Variants in EXOSC2 observed in about 807,000 individuals in gnomAD.
EXOSC2 encodes the protein exosome component 2.
Under a neutral mutation model 37.6 loss-of-function variants are expected in EXOSC2, and 29 were observed. The observed-to-expected ratio is 0.77, with a 90% confidence interval of 0.57 to 1.05. The LOEUF is 1.05. EXOSC2 is among the 50% of genes least tolerant of loss of function. The probability of loss-of-function intolerance (pLI) is 0.00; values close to 1 mark genes in which losing one functional copy is unlikely to be tolerated. For synonymous variants in EXOSC2, 119 were observed against 131.1 expected (o/e 0.91, Z 0.63); for missense variants, 346 against 365.6 (o/e 0.95, Z 0.44).
In EXOSC2 at chr9:130,703,108, C is replaced by T. The variant is rs771988501; in HGVS notation, c.728C>T (p.Ser243Leu). The T allele has an allele frequency of 1.1e-5, 17 of 1,613,960 alleles. No homozygotes were observed. The South Asian group carries it at 1.1e-4, about 10-fold the overall frequency. Residue 243 changes from serine (S) to leucine (L), a missense_variant, in exon 8 of 9, where the codon TCG becomes TTG. By Grantham distance (145) the Ser-to-Leu change is moderately radical. Coordinates refer to ENST00000372358, the MANE Select transcript of EXOSC2 (RefSeq NM_014285.7). Reference sequence around the variant, plus strand: ...TCCCGGCTTCGGAACTGCATCATCTCGCTGGTAACTCAGAGGATGATGCTG... The same window carrying T: ...TCCCGGCTTCGGAACTGCATCATCTTGCTGGTAACTCAGAGGATGATGCTG... ...VISRLRNCII[S>L]LVTQRMMLYD...
chr9:130,694,259 T>C lies in EXOSC2; in HGVS notation c.122+346T>C, dbSNP rs991498888. On this transcript the variant is annotated intron_variant, in intron 1 of 8. Transcript: ENST00000372358. The surrounding 1 kb of genome is among the most constrained non-coding windows in gnomAD (Gnocchi z 4.0). ...GGCTCTTTTCCAGTTTTCAGCTCTCTGAGGGGACGGTGGGCGTTCTTGGCT... is the reference window on the plus strand; with the variant it reads ...GGCTCTTTTCCAGTTTTCAGCTCTCCGAGGGGACGGTGGGCGTTCTTGGCT... Among the ~76,000 whole-genome samples, 1 of 152,194 alleles carries C rather than the reference T, an allele frequency of 6.6e-6. No individual in the cohort carries two copies. The highest frequency in any genetic ancestry group is 2.4e-5 in the African/African-American group (1 of 41,462).
chr9:130,702,011 C>T (rs1223329103), intron 6 of EXOSC2, 123 bp from the exon 7 acceptor site: 93 of 1,460,770 alleles, frequency 6.4e-5, no homozygotes, highest in Non-Finnish European at 7.8e-5. Context: ...TGCATGTAGG[C>T]GACAGCAATT....
intron 2 of EXOSC2, among the ~76,000 whole-genome samples, chr9:130,696,142 G>T (rs1233753482): frequency 6.6e-6 from 1 of 152,166 alleles, no homozygotes; most frequent in Non-Finnish European, 1.5e-5. Flanking sequence ...GGGATTACAG[G>T]CGTGAGCCAC....
intron 7 of EXOSC2, 81 bp downstream of exon 7, chr9:130,702,391 T>C: frequency 8.0e-7 from 1 of 1,243,490 alleles, no homozygotes; most frequent in Non-Finnish European, 1.1e-6. Flanking sequence ...TGAAGTTGGT[T>C]GTTTTTAGCT....
upstream of EXOSC2, chr9:130,693,760 G>A (rs748116494): frequency 2.2e-5 from 34 of 1,580,976 alleles, no homozygotes; most frequent in Non-Finnish European, 2.9e-5. Context: ...GCTCCCGACT[G>A]AGCTGCGCCT....
intron 5 of EXOSC2, among the ~76,000 whole-genome samples, chr9:130,700,354 T>TTTAC (rs1302787702): frequency 6.8e-6 from 1 of 147,458 alleles, no homozygotes; most frequent in Non-Finnish European, 1.5e-5. Flanking sequence ...TATTTATTTA[T>TTTAC]TTATTTATTT....
Position 130,695,526 on chromosome 9 carries a change from A to G in EXOSC2, c.157A>G (p.Ile53Val). 1 of 1,614,216 alleles carries G rather than the reference A, an allele frequency of 6.2e-7. No homozygotes were observed. Residue 53 changes from isoleucine to valine, a missense_variant, in exon 2 of 9, where the codon ATT becomes GTT. By Grantham distance (29) the Ile-to-Val change is conservative (BLOSUM62 3). Transcript: ENST00000372358. ...HGTYMGEEKL[I>V]ASVAGSVERV... ...AACGTATATGGGAGAAGAGAAGCTC[A>G]TTGCATCTGTTGCTGGCTCTGTGGA...
At chr9:130,697,524 T>C in intron 2 of EXOSC2, 58 bp from the exon 3 acceptor site, 1 of 1,538,344 alleles carries the variant, frequency 6.5e-7, no homozygotes, top group Non-Finnish European at 9.0e-7. Context: ...AAATGGTGTG[T>C]GGTCTTGTCA....
chr9:130,701,658 C>T, intron 6 of EXOSC2: 1 of 965,438 alleles, frequency 1.0e-6, no homozygotes, highest in Non-Finnish European at 1.2e-6. Context: ...AGGACGTGGA[C>T]TTGAGCTGTC....
In EXOSC2 at chr9:130,699,399, C is replaced by A. The variant is rs745368024; in HGVS notation, c.426+5C>A. On this transcript the variant is annotated splice_donor_5th_base_variant and intron_variant, in intron 5 of 8. Transcript: ENST00000372358. ...CAGGAAGGGGACCTTATCAGTGTAT[C>A]CTGCGCTTTGCACTCCAGCCTCTTG... The A allele has an allele frequency of 1.9e-6, 3 of 1,614,008 alleles. No homozygotes were observed. Among genetic ancestry groups the A allele is most frequent in the Non-Finnish European group, 2.5e-6 (3 of 1,179,876 alleles).
chr9:130,695,508 A>G lies in EXOSC2; in HGVS notation c.139A>G (p.Met47Val), dbSNP rs776570598. The change falls in exon 2 of 9, where the codon ATG becomes GTG. Residue 47 changes from methionine (M) to valine (V), a missense_variant. Met to Val is a conservative substitution (Grantham distance 21). Coordinates refer to ENST00000372358, the MANE Select transcript of EXOSC2 (RefSeq NM_014285.7). ...TTGCATCAGGGGCCATGGAACGTAT[A>G]TGGGAGAAGAGAAGCTCATTGCATC... ...TGFMRGHGTY[M>V]GEEKLIASVA... 9.9e-5 allele frequency: 160 copies of G among 1,614,034 alleles called. No individual in the cohort carries two copies. The highest frequency in any genetic ancestry group is 1.3e-4 in the Non-Finnish European group (151 of 1,179,994).
At chr9:130,699,291 A>T in intron 4 of EXOSC2, 38 bp from the exon 5 acceptor site, 1 of 1,605,900 alleles carries the variant, frequency 6.2e-7, no homozygotes, top group Non-Finnish European at 8.5e-7. Flanking sequence ...CTTTCTGAGG[A>T]TCTGGCTTAA....
At chr9:130,695,698 A>G (rs980708730) in intron 2 of EXOSC2, 105 bp downstream of exon 2, 2 of 926,098 alleles carry the variant, frequency 2.2e-6, no homozygotes, top group East Asian at 5.1e-5. Context: ...CTGCCCTGTC[A>G]TGCTGTAAGT....
intron 5 of EXOSC2, 186 bp downstream of exon 5, chr9:130,699,580 G>T: frequency 3.2e-6 from 2 of 632,528 alleles, no homozygotes; most frequent in Non-Finnish European, 5.6e-6. Flanking sequence ...CCCAGCTCTT[G>T]TTGGGACCTG....
intron 5 of EXOSC2, 141 bp from the exon 6 acceptor site, chr9:130,700,726 T>A (rs1384178141): frequency 3.0e-6 from 2 of 671,904 alleles, no homozygotes; most frequent in Admixed American, 5.5e-5. Context: ...CACAGTGATG[T>A]GCTCTGGGTC....
At chr9:130,703,292 A>G in intron 8 of EXOSC2, 111 bp downstream of exon 8, 1 of 1,297,190 alleles carries the variant, frequency 7.7e-7, no homozygotes. Flanking sequence ...CGTCAGTATG[A>G]ACTGGCCTGA....
chr9:130,701,943 A>T, intron 6 of EXOSC2, 191 bp from the exon 7 acceptor site: 2 of 1,405,844 alleles, frequency 1.4e-6, no homozygotes, highest in Non-Finnish European at 1.8e-6. Flanking sequence ...TTCTGCTGGG[A>T]TGTATGAATA....
intron 6 of EXOSC2, chr9:130,701,643 T>C: frequency 1.0e-6 from 1 of 985,748 alleles, no homozygotes; most frequent in Non-Finnish European, 1.2e-6. Context: ...GGACTCTTCC[T>C]TGGCAGGACG....
chr9:130,699,363 G>A lies in EXOSC2; in HGVS notation c.395G>A (p.Arg132Lys), dbSNP rs751242634. ...TCTGCAGAAGATGAGCTTGCAATGA[G>A]AGGTTTCTTACAGGAAGGGGACCTT... ...RRSAEDELAM[R>K]GFLQEGDLIS... The change falls in exon 5 of 9, where the codon AGA becomes AAA. Residue 132 changes from arginine (R) to lysine (K), a missense_variant. Arg to Lys is a conservative substitution (Grantham distance 26). Coordinates refer to ENST00000372358, the MANE Select transcript of EXOSC2 (RefSeq NM_014285.7). The A allele has an allele frequency of 6.2e-7, 1 of 1,614,242 alleles. No homozygotes were observed. The highest frequency in any genetic ancestry group is 1.1e-5 in the South Asian group (1 of 91,086).
Sources: allele counts gnomAD v4.1 joint callset (sites outside exome capture counted in the v4.1 genomes callset), GRCh38; gene constraint gnomAD v4.1.1; non-coding constraint Gnocchi (gnomAD v3.1); transcripts MANE v1.5; gene names NCBI Gene and HGNC (gene_info 2026-07-23, HGNC 2026-07-21).